The following FCHO1 variants were observed in gnomAD, a reference collection of about 807,000 sequenced individuals.
The protein encoded by FCHO1 is F-BAR domain only protein 1.
A neutral mutation model predicts 114.4 loss-of-function variants in FCHO1; 45 were observed. The ratio of observed to expected loss-of-function variants is 0.39; its 90% CI spans 0.31 to 0.50. FCHO1 has a LOEUF of 0.50. FCHO1 is among the 20% of genes least tolerant of loss of function. The pLI is 0.77. For missense variants in FCHO1, 1,042 were observed against 1,209.6 expected (o/e 0.86, Z 2.06); for synonymous variants, 480 against 488.9 (o/e 0.98, Z 0.24).
chr19:17,752,839 G>T (rs1414391600), intron 1 of FCHO1, among the ~76,000 whole-genome samples: 1 of 152,088 alleles, frequency 6.6e-6, no homozygotes, highest in Non-Finnish European at 1.5e-5. Flanking sequence ...AGTCGAGGCT[G>T]CCATGAGCTG....
At chr19:17,750,893 C>CGGCTCACTGCAACCTCT (rs1470049227), upstream of FCHO1, among the ~76,000 whole-genome samples, 1 of 145,364 alleles carries the variant, frequency 6.9e-6, no homozygotes, top group African/African-American at 2.6e-5. Context: ...GGCGCAATCT[C>CGGCTCACTGCAACCTCT]GGCTCACTGC....
In FCHO1 at chr19:17,781,754, A is replaced by G. The variant is rs1020117141; in HGVS notation, c.1871A>G (p.Asp624Gly). The G allele has an allele frequency of 6.2e-7, 1 of 1,611,406 alleles. No homozygotes were observed. The highest frequency in any genetic ancestry group is 1.7e-5 in the Admixed American group (1 of 59,516). Residue 624 changes from aspartate (D) to glycine (G), a missense_variant, in exon 23 of 29, where the codon GAT (aspartate) becomes GGT (glycine). By Grantham distance (94) the Asp-to-Gly change is moderately conservative. Transcript: ENST00000596536. ...GPSPVVLGSQ[D>G]ALPIATAFTE... is the part of the protein sequence containing the mutation. ...AGCCCTGTGGTCCTGGGCTCCCAGG[A>G]TGCCCTGCCCATAGCCACAGCCTTC...
At position 17,784,020 on chromosome 19, in the gene FCHO1, C is replaced by G. The variant is rs2093657126; in HGVS notation, c.2094-83C>G. On this transcript the variant is annotated intron_variant, in intron 24 of 28. Coordinates refer to ENST00000596536, the MANE Select transcript of FCHO1 (RefSeq NM_015122.3). The surrounding 1 kb of genome is among the most constrained non-coding windows in gnomAD (Gnocchi z 5.3). ...CCCAGGGTGGGCCAGGAAATTGCATCTTTAGGAAGGGGTAGATTGAATGCT... is the reference window on the plus strand; with the variant it reads ...CCCAGGGTGGGCCAGGAAATTGCATGTTTAGGAAGGGGTAGATTGAATGCT... 3.3e-6 allele frequency: 5 copies of G among 1,518,248 alleles called. No individual in the cohort carries two copies. The East Asian group carries it at 1.1e-4, about 35-fold the overall frequency. 94.0% of individuals were successfully genotyped at this position (1,518,248 alleles called of 1,614,324 possible). A position where few individuals can be genotyped will look rare whatever the true frequency, so the allele number is the denominator to read the frequency against.
chr19:17,772,618 G>C, intron 10 of FCHO1, 27 bp from the exon 11 acceptor site: 1 of 1,613,934 alleles, frequency 6.2e-7, no homozygotes, highest in Non-Finnish European at 8.5e-7. Flanking sequence ...GCCTTGACCA[G>C]TTACACACCC....
chr19:17,751,209 G>A (rs543255974), upstream of FCHO1, among the ~76,000 whole-genome samples: 122 of 152,236 alleles, frequency 8.0e-4, no homozygotes, highest in Middle Eastern at 3.4e-3. The surrounding 1 kb of genome is among the most constrained non-coding windows in gnomAD (Gnocchi z 4.4). Flanking sequence ...AGTGGGTATC[G>A]GCCTACCTCA....
chr19:17,760,627 TG>T (rs1431444368), intron 4 of FCHO1, among the ~76,000 whole-genome samples: 9 of 152,198 alleles, frequency 5.9e-5, no homozygotes, highest in Admixed American at 5.9e-4. Context: ...TTTGGGGCTT[TG>T]GGGAGCATTG....
At chr19:17,769,296 G>A (rs1410989633) in intron 7 of FCHO1, among the ~76,000 whole-genome samples, 5 of 90,798 alleles carry the variant, frequency 5.5e-5, no homozygotes, top group African/African-American at 1.3e-4. Context: ...AAAAAAAAAG[G>A]CCTGGCACGG....
Position 17,788,416 on chromosome 19 carries a change from A to G in FCHO1, c.*110A>G. 2 of 808,644 alleles carry G rather than the reference A, an allele frequency of 2.5e-6. No homozygotes were observed. The highest frequency in any genetic ancestry group is 2.6e-5 in the East Asian group (1 of 39,168). 50.1% of individuals were successfully genotyped at this position (808,644 alleles called of 1,614,324 possible). On this transcript the variant is annotated 3_prime_UTR_variant, in exon 29 of 29. Coordinates refer to ENST00000596536, the MANE Select transcript of FCHO1 (RefSeq NM_015122.3). ...TCCCACCCCAGCCTCCCTGAGGCCC[A>G]TACTCCACGGAGAGGAGCCCCATGC...
At position 17,783,088 on chromosome 19, in the gene FCHO1, C is replaced by T; in HGVS notation, c.2009C>T (p.Thr670Ile). The change falls in exon 24 of 29, where the codon ACC (threonine) becomes ATC (isoleucine). Residue 670 changes from threonine (T) to isoleucine (I), a missense_variant. Thr to Ile is a moderately conservative substitution (Grantham distance 89). Coordinates refer to ENST00000596536, the MANE Select transcript of FCHO1 (RefSeq NM_015122.3). ...GGCATCGTGCGTGTGTTCAGCGGGA[C>T]CCCACCACCACCTGTCCTCAGCTTC... ...PAGIVRVFSG[T>I]PPPPVLSFRL... is the part of the protein sequence containing the mutation. 1.2e-6 allele frequency: 2 copies of T among 1,614,094 alleles called. No individual in the cohort carries two copies. The highest frequency in any genetic ancestry group is 1.7e-6 in the Non-Finnish European group (2 of 1,180,020).
intron 19 of FCHO1, 147 bp downstream of exon 19, chr19:17,778,375 G>A: frequency 1.3e-6 from 1 of 756,782 alleles, no homozygotes; most frequent in Non-Finnish European, 2.2e-6. Context: ...CAGAGTGCGC[G>A]TGGGAGGGGC....
rs1323134663 is a variant in FCHO1, at chr19:17,775,406, AG to A, written c.946-48del. On this transcript the variant is annotated intron_variant, in intron 14 of 28. Transcript: ENST00000596536. The surrounding 1 kb of genome is among the most constrained non-coding windows in gnomAD (Gnocchi z 5.1). ...GGGGCGGTTGGCAGGGTGAGATGGA[AG>A]GTTCGATAGTGGGGCGCCTGACTCA... 6.4e-7 allele frequency: 1 copy of A among 1,572,982 alleles called. No individual in the cohort carries two copies. The highest frequency in any genetic ancestry group is 8.7e-7 in the Non-Finnish European group (1 of 1,143,396).
intron 5 of FCHO1, among the ~76,000 whole-genome samples, chr19:17,763,579 C>CTTTT (rs57171149): frequency 7.7e-6 from 1 of 130,066 alleles, no homozygotes. Context: ...TTTTTTTTTT[C>CTTTT]TTTTTGGAGA....
intron 19 of FCHO1, 42 bp downstream of exon 19, chr19:17,778,270 G>A (rs2092903404): frequency 3.3e-6 from 5 of 1,533,478 alleles, no homozygotes; most frequent in South Asian, 1.1e-5. Flanking sequence ...TGTGGCCGGA[G>A]GGAGGTTGGG....
intron 5 of FCHO1, 34 bp from the exon 6 acceptor site, chr19:17,764,341 A>G: frequency 1.2e-6 from 2 of 1,606,592 alleles, no homozygotes; most frequent in Non-Finnish European, 1.7e-6. Flanking sequence ...GCGCCCGGGC[A>G]GTTTCTCCAT....
chr19:17,771,140 C>G (rs994129058), intron 9 of FCHO1, among the ~76,000 whole-genome samples: 5 of 151,980 alleles, frequency 3.3e-5, no homozygotes, highest in Non-Finnish European at 5.9e-5. Flanking sequence ...GTAATCCCAG[C>G]TACTCAGGAG....
At chr19:17,757,915 C>CAAA (rs71162192) in intron 4 of FCHO1, among the ~76,000 whole-genome samples, 6 of 77,898 alleles carry the variant, frequency 7.7e-5, no homozygotes, top group Non-Finnish European at 1.2e-4. Context: ...GACCCTGTCT[C>CAAA]AAAAAAAAAA....
intron 20 of FCHO1, 107 bp downstream of exon 20, chr19:17,778,991 C>G: frequency 8.1e-7 from 1 of 1,228,902 alleles, no homozygotes; most frequent in Non-Finnish European, 1.1e-6. Flanking sequence ...CAGCCAGGAC[C>G]AGGCAGGCAG....
At chr19:17,768,080 T>C (rs1390925582) in intron 7 of FCHO1, among the ~76,000 whole-genome samples, 1 of 152,166 alleles carries the variant, frequency 6.6e-6, no homozygotes, top group African/African-American at 2.4e-5. Context: ...TTTGTTTTGT[T>C]TTTTTGAGAT....
rs530945808 is a variant in FCHO1, at chr19:17,785,259, G to A, written c.2426+335G>A. On this transcript the variant is annotated intron_variant, in intron 26 of 28. Transcript: ENST00000596536. ...CTTTGAGATGAAGTCTCGCTCTGTC[G>A]TGCAGGTTGGAGTGCAGTGGCACGA... Among the ~76,000 whole-genome samples the A allele has an allele frequency of 2.0e-4, 30 of 152,198 alleles. 1 individual carries two copies. Among genetic ancestry groups the A allele is most frequent in the East Asian group, 1.9e-4 (1 of 5,168 alleles).
Sources: allele counts gnomAD v4.1 joint callset (sites outside exome capture counted in the v4.1 genomes callset), GRCh38; gene constraint gnomAD v4.1.1; non-coding constraint Gnocchi (gnomAD v3.1); transcripts MANE v1.5; gene names NCBI Gene and HGNC (gene_info 2026-07-23, HGNC 2026-07-21).